The following PLCE1 variants were observed in gnomAD, a reference collection of about 807,000 sequenced individuals.
PLCE1 encodes the protein phospholipase C epsilon 1, also known as 1-phosphatidylinositol 4,5-bisphosphate phosphodiesterase epsilon-1.
A neutral mutation model predicts 242.8 loss-of-function variants in PLCE1; 119 were observed. The ratio of observed to expected loss-of-function variants is 0.49; its 90% CI spans 0.42 to 0.57. The LOEUF is 0.57. Among genes scored for constraint, PLCE1 ranks in the 20% least tolerant of loss-of-function variants. PLCE1 has a pLI of 0.00. For synonymous variants in PLCE1, 945 were observed against 1,017.4 expected (o/e 0.93, Z 1.35); for missense variants, 2,441 against 2,788.8 (o/e 0.88, Z 2.81).
At chr10:94,047,543 T>C (rs1368068974) in intron 2 of PLCE1, among the ~76,000 whole-genome samples, 1 of 152,212 alleles carries the variant, frequency 6.6e-6, no homozygotes, top group African/African-American at 2.4e-5. Context: ...AGAATTGAAA[T>C]TTTCCTGTTG....
chr10:94,009,862 G>A (rs1272504236), intron 1 of PLCE1, among the ~76,000 whole-genome samples: 1 of 152,256 alleles, frequency 6.6e-6, no homozygotes, highest in African/African-American at 2.4e-5. Context: ...GTTGGAGTCT[G>A]CTATCTGTAT....
At chr10:94,044,977 G>T (rs1161443184) in intron 2 of PLCE1, among the ~76,000 whole-genome samples, 2 of 152,186 alleles carry the variant, frequency 1.3e-5, no homozygotes, top group Middle Eastern at 3.4e-3. Flanking sequence ...TCTTGAGCTA[G>T]CTCATCTTTT....
Position 94,031,038 on chromosome 10 carries a change from T to C in PLCE1, c.-9T>C, listed in dbSNP as rs1487662977. 2.5e-6 allele frequency: 4 copies of C among 1,613,400 alleles called. No individual in the cohort carries two copies. The African/African-American group carries it at 5.3e-5, about 22-fold the overall frequency. On this transcript the variant is annotated 5_prime_UTR_variant, in exon 2 of 33. Coordinates refer to ENST00000371380, the MANE Select transcript of PLCE1 (RefSeq NM_016341.4). ...AGAGCAATAGTCAAAACCTGTGTGTTAGTCCAAGATGACTTCTGAAGAAAT... is the reference window on the plus strand; with the variant it reads ...AGAGCAATAGTCAAAACCTGTGTGTCAGTCCAAGATGACTTCTGAAGAAAT...
chr10:94,120,102 T>C (rs996726488), intron 2 of PLCE1, among the ~76,000 whole-genome samples: 10 of 152,244 alleles, frequency 6.6e-5, no homozygotes, highest in Non-Finnish European at 1.5e-4. Context: ...GGCTGGGCTT[T>C]CCTACTATTC....
intron 7 of PLCE1, among the ~76,000 whole-genome samples, chr10:94,239,841 C>T (rs974043757): frequency 6.6e-6 from 1 of 152,146 alleles, no homozygotes; most frequent in African/African-American, 2.4e-5. Context: ...CATGTGGATG[C>T]CCCAAATCAT....
chr10:94,048,682 T>A lies in PLCE1; in HGVS notation c.1206+16430T>A, dbSNP rs559409620. Among the ~76,000 whole-genome samples the A allele has an allele frequency of 1.2e-4, 17 of 145,104 alleles. No homozygotes were observed. In the South Asian group the frequency reaches 3.6e-3, roughly 31 times the overall value. ...TGCATATATACATATATATTTAATA[T>A]ATTTATAAATAATATAAATATATAT... On this transcript the variant is annotated intron_variant, in intron 2 of 32. Coordinates refer to ENST00000371380, the MANE Select transcript of PLCE1 (RefSeq NM_016341.4).
intron 2 of PLCE1, among the ~76,000 whole-genome samples, chr10:94,084,749 A>G (rs2044755427): frequency 6.6e-6 from 1 of 152,224 alleles, no homozygotes; most frequent in African/African-American, 2.4e-5. Flanking sequence ...TGATTGGACA[A>G]TGCCAATGAT....
chr10:94,146,218 G>A (rs2047106621), intron 3 of PLCE1, among the ~76,000 whole-genome samples: 1 of 152,120 alleles, frequency 6.6e-6, no homozygotes, highest in African/African-American at 2.4e-5. Context: ...TAGGAATTGG[G>A]TGCACTGAAA....
At chr10:94,102,724 G>T (rs1443809455) in intron 2 of PLCE1, among the ~76,000 whole-genome samples, 1 of 152,106 alleles carries the variant, frequency 6.6e-6, no homozygotes, top group African/African-American at 2.4e-5. Context: ...CCCAGCCCTG[G>T]GCTGCACTCC....
chr10:94,100,043 G>A (rs1194036645), intron 2 of PLCE1: 4 of 152,182 alleles, frequency 2.6e-5, no homozygotes, highest in African/African-American at 4.8e-5. Flanking sequence ...CTCTGGGTGG[G>A]TCTCAGCACA....
chr10:94,184,792 A>G (rs1210367981), intron 4 of PLCE1, among the ~76,000 whole-genome samples: 1 of 151,778 alleles, frequency 6.6e-6, no homozygotes, highest in East Asian at 1.9e-4. Flanking sequence ...TATCACAGCT[A>G]CTGCCTTCCC....
intron 16 of PLCE1, among the ~76,000 whole-genome samples, chr10:94,266,888 G>A (rs1219567129): frequency 6.6e-6 from 1 of 152,188 alleles, no homozygotes; most frequent in African/African-American, 2.4e-5. Context: ...TATTATGAAT[G>A]AAGATGTGTT....
At chr10:94,251,650 C>T (rs2050880195) in intron 8 of PLCE1, among the ~76,000 whole-genome samples, 1 of 152,114 alleles carries the variant, frequency 6.6e-6, no homozygotes, top group South Asian at 2.1e-4. Flanking sequence ...ACAGAGTTGC[C>T]TTAGAAGCAG....
intron 2 of PLCE1, among the ~76,000 whole-genome samples, chr10:94,044,546 G>A (rs2061840259): frequency 6.6e-6 from 1 of 152,204 alleles, no homozygotes; most frequent in Non-Finnish European, 1.5e-5. Flanking sequence ...AGACTTGGCC[G>A]TTGCTTCACA....
At chr10:94,095,358 G>A (rs2045268127) in intron 2 of PLCE1, among the ~76,000 whole-genome samples, 1 of 151,448 alleles carries the variant, frequency 6.6e-6, no homozygotes, top group Admixed American at 6.6e-5. Context: ...CAATTGTTTT[G>A]CTTTGGTTTC....
At chr10:94,174,462 T>A (rs1223233633) in intron 4 of PLCE1, among the ~76,000 whole-genome samples, 1 of 152,124 alleles carries the variant, frequency 6.6e-6, no homozygotes. Flanking sequence ...AAATAGGACA[T>A]TTGCAAATAG....
intron 2 of PLCE1, chr10:94,089,250 CT>C: frequency 6.2e-7 from 1 of 1,614,046 alleles, no homozygotes; most frequent in Non-Finnish European, 8.5e-7. Flanking sequence ...GGGAAGCAGG[CT>C]GTCAGCTGTG....
intron 1 of PLCE1, among the ~76,000 whole-genome samples, chr10:94,030,427 C>T (rs907818283): frequency 2.0e-5 from 3 of 151,584 alleles, no homozygotes; most frequent in Non-Finnish European, 4.4e-5. Flanking sequence ...ATCTGAAAAC[C>T]ACTGGGTTTT....
At chr10:94,312,779 C>T (rs1032881027) in intron 27 of PLCE1, among the ~76,000 whole-genome samples, 2 of 152,278 alleles carry the variant, frequency 1.3e-5, no homozygotes, top group African/African-American at 4.8e-5. Flanking sequence ...TATCTTAATA[C>T]ACAAAATGCC....
Sources: gnomAD v4.1 joint callset for allele counts (sites outside exome capture counted in the v4.1 genomes callset) on GRCh38, gnomAD v4.1.1 for gene constraint, MANE v1.5 for transcripts, NCBI Gene and HGNC (gene_info 2026-07-23, HGNC 2026-07-21) for gene names.